The following ASIC2 variants were observed in gnomAD, a reference collection of about 807,000 sequenced individuals.
ASIC2 encodes the protein acid-sensing ion channel 2.
ASIC2 carries 25 observed loss-of-function variants against 57.3 expected under a neutral mutation model. The observed-to-expected ratio is 0.44, with a 90% CI of 0.32 to 0.61. ASIC2 has a LOEUF of 0.61. Among genes scored for constraint, ASIC2 ranks in the 20% least tolerant of loss-of-function variants. The pLI is 0.06. For synonymous variants in ASIC2, 319 were observed against 307.5 expected (o/e 1.04, Z -0.39); for missense variants, 641 against 738.1 (o/e 0.87, Z 1.52).
In ASIC2 at chr17:33,062,042, T is replaced by G. The variant is rs201530501; in HGVS notation, c.987+26821A>C. Among the ~76,000 whole-genome samples the G allele has an allele frequency of 2.6e-5, 4 of 152,196 alleles. No individual in the cohort carries two copies. In the East Asian group the frequency reaches 7.7e-4, roughly 29 times the overall value. Reference sequence around the variant, plus strand: ...TCATTTTTTATTGCGTCTATTTGATTCTTCTCTCTTTTCTTCTTTATTAGT... The same window carrying G: ...TCATTTTTTATTGCGTCTATTTGATGCTTCTCTCTTTTCTTCTTTATTAGT... On this transcript the variant is annotated intron_variant, in intron 3 of 9. Transcript: ENST00000225823.
chr17:34,081,456 C>G (rs1909879491), intron 1 of ASIC2, among the ~76,000 whole-genome samples: 1 of 152,216 alleles, frequency 6.6e-6, no homozygotes, highest in Non-Finnish European at 1.5e-5. Context: ...TCTACACCAG[C>G]AATTCAGGTA....
chr17:33,739,116 T>C (rs1456338367), intron 1 of ASIC2, among the ~76,000 whole-genome samples: 1 of 152,212 alleles, frequency 6.6e-6, no homozygotes, highest in East Asian at 1.9e-4. Context: ...TAAGATGCAA[T>C]GCTCTATGTT....
chr17:33,458,774 A>G (rs966779109), intron 1 of ASIC2, among the ~76,000 whole-genome samples: 10 of 152,210 alleles, frequency 6.6e-5, no homozygotes, highest in African/African-American at 2.4e-4. Context: ...AATAATTTCT[A>G]TGATCTCTTC....
rs538801473 is a variant in ASIC2, at chr17:33,583,605, T to C, written c.556-471538A>G. On this transcript the variant is annotated intron_variant, in intron 1 of 9. Coordinates refer to the ASIC2 transcript ENST00000359872. The stretch of plus-strand genomic sequence containing the variant: ...AGGACCCAAACTCCAAGACAATGCC[T>C]GTCCTGTTTAGGCCAGTGTTTTGCA... 2.2e-4 allele frequency among the ~76,000 whole-genome samples: 33 copies of C among 152,328 alleles called. 1 individual carries two copies. The South Asian group carries it at 4.6e-3, about 21-fold the overall frequency.
At chr17:33,521,349 C>T (rs909798778) in intron 1 of ASIC2, among the ~76,000 whole-genome samples, 9 of 152,148 alleles carry the variant, frequency 5.9e-5, no homozygotes, top group Admixed American at 1.3e-4. Flanking sequence ...CTGGATAATG[C>T]GCCTGCCACT....
chr17:33,405,095 T>C (rs1345223646), intron 1 of ASIC2, among the ~76,000 whole-genome samples: 4 of 152,114 alleles, frequency 2.6e-5, no homozygotes, highest in Admixed American at 2.6e-4. Flanking sequence ...ACAACTGTTT[T>C]CCATGCTCTC....
chr17:34,019,333 T>C (rs1206492696), intron 1 of ASIC2, among the ~76,000 whole-genome samples: 1 of 152,194 alleles, frequency 6.6e-6, no homozygotes, highest in Admixed American at 6.5e-5. Context: ...CTGACTCCAA[T>C]TTTGAAAGAA....
chr17:33,193,001 G>C (rs1353330656), intron 1 of ASIC2, among the ~76,000 whole-genome samples: 3 of 152,144 alleles, frequency 2.0e-5, no homozygotes, highest in Non-Finnish European at 4.4e-5. Flanking sequence ...GTGGTCTGGA[G>C]GGCAGAAGCT....
At chr17:34,125,616 A>G (rs1200135199) in intron 1 of ASIC2, among the ~76,000 whole-genome samples, 6 of 152,304 alleles carry the variant, frequency 3.9e-5, no homozygotes, top group African/African-American at 4.8e-5. Context: ...TCTGGGCTGG[A>G]GCACTTCAGA....
chr17:33,018,752 G>T (rs906879576), intron 7 of ASIC2, among the ~76,000 whole-genome samples: 1 of 152,068 alleles, frequency 6.6e-6, no homozygotes, highest in African/African-American at 2.4e-5. Context: ...GGGGTTGGAT[G>T]AGATGAACTA....
chr17:33,499,118 C>T (rs1914027696), intron 1 of ASIC2, among the ~76,000 whole-genome samples: 1 of 152,220 alleles, frequency 6.6e-6, no homozygotes, highest in South Asian at 2.1e-4. Context: ...CTTCCAGCCA[C>T]AGCTGGTTCC....
At chr17:33,331,943 A>G (rs1467880828) in intron 1 of ASIC2, among the ~76,000 whole-genome samples, 13 of 152,246 alleles carry the variant, frequency 8.5e-5, no homozygotes, top group Admixed American at 8.5e-4. Flanking sequence ...AGCTTTTGAA[A>G]AATAGGACAT....
intron 1 of ASIC2, among the ~76,000 whole-genome samples, chr17:33,261,276 G>A (rs1909270064): frequency 6.6e-6 from 1 of 152,134 alleles, no homozygotes; most frequent in African/African-American, 2.4e-5. Flanking sequence ...AATAAACACT[G>A]TCTCCCATCT....
intron 1 of ASIC2, among the ~76,000 whole-genome samples, chr17:33,588,492 T>C (rs1904715114): frequency 6.6e-6 from 1 of 152,198 alleles, no homozygotes. Flanking sequence ...ATTCACTCCT[T>C]ATTTCTTGAG....
chr17:33,309,254 C>T (rs1222399323), intron 1 of ASIC2, among the ~76,000 whole-genome samples: 2 of 152,052 alleles, frequency 1.3e-5, no homozygotes, highest in African/African-American at 2.4e-5. Context: ...AGATTGTCTG[C>T]AGACACACAT....
chr17:34,061,808 G>A (rs947188396), intron 1 of ASIC2, among the ~76,000 whole-genome samples: 1 of 152,136 alleles, frequency 6.6e-6, no homozygotes, highest in Admixed American at 6.5e-5. Flanking sequence ...AAAAGGCCTT[G>A]TACAACAAGA....
In ASIC2 at chr17:33,250,932, T is replaced by C. The variant is rs564563552; in HGVS notation, c.708+40476A>G. Among the ~76,000 whole-genome samples, 4 of 152,368 alleles carry C rather than the reference T, an allele frequency of 2.6e-5. No individual in the cohort carries two copies. In the South Asian group the frequency reaches 8.3e-4, roughly 32 times the overall value. On this transcript the variant is annotated intron_variant, in intron 1 of 9. Coordinates refer to ENST00000225823, the MANE Select transcript of ASIC2 (RefSeq NM_183377.2). The stretch of plus-strand genomic sequence containing the variant: ...GATGAATATGTATTTCAAACAGTTA[T>C]GTGCAAAAACATATTTATGTGTATA...
intron 1 of ASIC2, among the ~76,000 whole-genome samples, chr17:33,155,890 G>C (rs1043675706): frequency 6.6e-6 from 1 of 152,072 alleles, no homozygotes; most frequent in African/African-American, 2.4e-5. Flanking sequence ...AGTACTACTT[G>C]AGTGCATTGT....
chr17:33,049,235 T>C (rs1478043083), intron 3 of ASIC2, among the ~76,000 whole-genome samples: 1 of 152,190 alleles, frequency 6.6e-6, no homozygotes, highest in East Asian at 1.9e-4. Flanking sequence ...GACTTCTTTG[T>C]CAATATTTGG....
Sources: gnomAD v4.1 joint callset for allele counts (sites outside exome capture counted in the v4.1 genomes callset) on GRCh38, gnomAD v4.1.1 for gene constraint, MANE v1.5 for transcripts, NCBI Gene and HGNC (gene_info 2026-07-23, HGNC 2026-07-21) for gene names.